The following LPP variants were observed in gnomAD, a reference collection of about 807,000 sequenced individuals.
LPP encodes the protein LIM domain containing preferred translocation partner in lipoma, also known as lipoma-preferred partner.
In LPP, 38 loss-of-function variants were observed where a neutral mutation model predicts 60.4. The ratio of observed to expected loss-of-function variants is 0.63; its 90% CI spans 0.49 to 0.83. The LOEUF (loss-of-function observed/expected upper bound fraction) is 0.83, where lower values mean the gene tolerates loss of function less well. Among genes scored for constraint, LPP ranks in the 40% least tolerant of loss-of-function variants. LPP has a pLI of 0.00. For missense variants in LPP, 902 were observed against 783.6 expected, an observed-to-expected ratio of 1.15 and a Z score of -1.80; for synonymous variants, 328 against 290.8, an observed-to-expected ratio of 1.13 and a Z score of -1.30.
intron 9 of LPP, among the ~76,000 whole-genome samples, chr3:188,808,199 AT>A (rs1749753272): frequency 6.6e-6 from 1 of 151,960 alleles, no homozygotes; most frequent in Admixed American, 6.6e-5. Flanking sequence ...CCACCCTCAG[AT>A]TTAGATCTTC....
At chr3:188,846,720 G>A (rs1202603236) in intron 9 of LPP, among the ~76,000 whole-genome samples, 2 of 149,000 alleles carry the variant, frequency 1.3e-5, no homozygotes, top group African/African-American at 2.5e-5. Context: ...GAAAAGAAAA[G>A]TTACATGTAG....
At chr3:188,621,438 G>A (rs1472912080) in intron 7 of LPP, among the ~76,000 whole-genome samples, 4 of 152,124 alleles carry the variant, frequency 2.6e-5, no homozygotes, top group African/African-American at 9.7e-5. Flanking sequence ...TTCTGTCCCT[G>A]CATCAATTTG....
intron 2 of LPP, among the ~76,000 whole-genome samples, chr3:188,305,953 A>G (rs1751396126): frequency 6.6e-6 from 1 of 152,212 alleles, no homozygotes; most frequent in African/African-American, 2.4e-5. Flanking sequence ...AGGAAGTTTC[A>G]ACTTTGAAGT....
chr3:188,863,413 TC>T (rs1473444448), intron 9 of LPP, among the ~76,000 whole-genome samples: 1 of 152,132 alleles, frequency 6.6e-6, no homozygotes, highest in African/African-American at 2.4e-5. Flanking sequence ...GGGGTACCAG[TC>T]CCACCTCTGC....
intron 3 of LPP, among the ~76,000 whole-genome samples, chr3:188,382,570 T>C (rs1407703140): frequency 6.6e-6 from 1 of 150,908 alleles, no homozygotes; most frequent in East Asian, 1.9e-4. Flanking sequence ...AATTATGATG[T>C]TTGTTTGTTT....
intron 9 of LPP, among the ~76,000 whole-genome samples, chr3:188,840,295 G>T (rs1759603590): frequency 6.6e-6 from 1 of 152,170 alleles, no homozygotes; most frequent in Admixed American, 6.5e-5. Context: ...GGGGTCACTG[G>T]AAGCTATGTT....
intron 7 of LPP, among the ~76,000 whole-genome samples, chr3:188,665,921 A>T (rs1431666537): frequency 6.6e-6 from 1 of 152,236 alleles, no homozygotes; most frequent in East Asian, 1.9e-4. Flanking sequence ...ATATAATTTT[A>T]TCTTAGCCTG....
intron 8 of LPP, among the ~76,000 whole-genome samples, chr3:188,731,348 C>T (rs1449678358): frequency 1.3e-5 from 2 of 151,976 alleles, no homozygotes; most frequent in African/African-American, 2.4e-5. Context: ...AAAGATCATT[C>T]GGATTTAACA....
chr3:188,874,451 T>C lies in LPP; in HGVS notation c.1811T>C (p.Leu604Ser). The change falls in exon 12 of 12, where the codon TTG (leucine) becomes TCG (serine). Residue 604 changes from leucine to serine, a missense_variant. Physicochemically the swap from Leu to Ser is moderately radical, Grantham distance 145. Coordinates refer to ENST00000617246, the MANE Select transcript of LPP (RefSeq NM_001375462.1). ...TGCAACTCTGCCCGCATCAGGGTGT[T>C]GACCGCCAAGGCGAGCACTGACCTT... The part of the protein sequence containing the change: ...KTCNSARIRV[L>S]TAKASTDL The C allele has an allele frequency of 6.2e-7, 1 of 1,614,216 alleles. No individual in the cohort carries two copies. The highest frequency in any genetic ancestry group is 8.5e-7 in the Non-Finnish European group (1 of 1,180,024).
At position 188,250,748 on chromosome 3, in the gene LPP, TTCTTTCTTTCTTTC is replaced by T. The variant is rs1443036253; in HGVS notation, c.-67+25223_-67+25236del. Among the ~76,000 whole-genome samples the T allele has an allele frequency of 2.6e-5, 3 of 113,254 alleles. No homozygotes were observed. In the East Asian group the frequency reaches 6.4e-4, roughly 24 times the overall value. 74.3% of individuals were successfully genotyped at this position (113,254 alleles called of 152,430 possible). On this transcript the variant is annotated intron_variant, in intron 2 of 11. Transcript: ENST00000617246. Reference sequence around the variant, plus strand: ...TCTCTTTCTTTCTTTCTTTCTTTCTTTCTTTCTTTCTTTCTTTCTTTCTTTCTTTCTTTCTTTCT... The same window carrying T: ...TCTCTTTCTTTCTTTCTTTCTTTCTTTTTCTTTCTTTCTTTCTTTCTTTCT...
chr3:188,500,650 G>T (rs1382973893), intron 5 of LPP, among the ~76,000 whole-genome samples: 1 of 152,098 alleles, frequency 6.6e-6, no homozygotes, highest in African/African-American at 2.4e-5. Context: ...ATGTATCAAT[G>T]TTTGGTAGAA....
At chr3:188,476,032 AT>A (rs966726602) in intron 4 of LPP, among the ~76,000 whole-genome samples, 6 of 151,134 alleles carry the variant, frequency 4.0e-5, no homozygotes, top group South Asian at 2.1e-4. Context: ...GGCCATTTTC[AT>A]TTTTTTTTCT....
In LPP at chr3:188,434,237, G is replaced by A. The variant is rs540766219; in HGVS notation, c.193+27924G>A. On this transcript the variant is annotated intron_variant, in intron 4 of 11. Coordinates refer to ENST00000617246, the MANE Select transcript of LPP (RefSeq NM_001375462.1). ...AAACACATAGTACATTGACAAGAGC[G>A]TATATATGTACATGTCAATGTAATA... Among the ~76,000 whole-genome samples the A allele has an allele frequency of 1.6e-4, 25 of 152,082 alleles. No homozygotes were observed. The South Asian group carries it at 1.7e-3, about 10-fold the overall frequency.
chr3:188,625,086 T>A (rs1403682024), intron 7 of LPP, among the ~76,000 whole-genome samples: 1 of 152,146 alleles, frequency 6.6e-6, no homozygotes, highest in Non-Finnish European at 1.5e-5. Flanking sequence ...ATTTTAAGGG[T>A]TATCTAATTT....
At chr3:188,355,911 C>G (rs184806828) in intron 3 of LPP, among the ~76,000 whole-genome samples, 2 of 152,278 alleles carry the variant, frequency 1.3e-5, no homozygotes, top group East Asian at 3.9e-4. Context: ...TTGCGTGTCT[C>G]CCACACCTCA....
At chr3:188,866,632 G>C (rs1766681243) in intron 10 of LPP, among the ~76,000 whole-genome samples, 1 of 152,150 alleles carries the variant, frequency 6.6e-6, no homozygotes, top group Non-Finnish European at 1.5e-5. Flanking sequence ...TAATTCTAAT[G>C]ACGAAAAAGC....
chr3:188,433,212 G>A (rs1791386857), intron 4 of LPP, among the ~76,000 whole-genome samples: 1 of 152,128 alleles, frequency 6.6e-6, no homozygotes, highest in African/African-American at 2.4e-5. Context: ...AGTATTGAAC[G>A]TTATAGTGAT....
chr3:188,762,705 G>A (rs1038323748), intron 9 of LPP, among the ~76,000 whole-genome samples: 5 of 151,868 alleles, frequency 3.3e-5, no homozygotes, highest in Middle Eastern at 6.3e-3. Context: ...AAAACTATCC[G>A]GGAGATATTT....
At chr3:188,753,925 T>C (rs569717715) in intron 8 of LPP, among the ~76,000 whole-genome samples, 1 of 152,270 alleles carries the variant, frequency 6.6e-6, no homozygotes, top group South Asian at 2.1e-4. Flanking sequence ...GTGACAGAAC[T>C]ACATGTGTCC....
Sources: allele counts gnomAD v4.1 joint callset (sites outside exome capture counted in the v4.1 genomes callset), GRCh38; gene constraint gnomAD v4.1.1; transcripts MANE v1.5; gene names NCBI Gene and HGNC (gene_info 2026-07-23, HGNC 2026-07-21).